Variants in PLXNA4 observed in about 807,000 individuals in gnomAD.
PLXNA4 encodes the protein plexin-A4.
A neutral mutation model predicts 191.8 loss-of-function variants in PLXNA4; 44 were observed. The ratio of observed to expected loss-of-function variants is 0.23; its 90% CI spans 0.18 to 0.29. PLXNA4 has a LOEUF of 0.29. Ranked by LOEUF, PLXNA4 falls within the 10% of genes least tolerant of loss-of-function variation. The pLI is 1.00. For synonymous variants in PLXNA4, 1,082 were observed against 1,009.5 expected, an observed-to-expected ratio of 1.07 and a Z score of -1.36; for missense variants, 1,800 against 2,488.8, an observed-to-expected ratio of 0.72 and a Z score of 5.89.
chr7:132,270,467 T>C (rs1800024226), intron 4 of PLXNA4, among the ~76,000 whole-genome samples: 1 of 152,236 alleles, frequency 6.6e-6, no homozygotes, highest in Non-Finnish European at 1.5e-5. Flanking sequence ...TGCAGTCTCA[T>C]GAGTTCAGAA....
intron 3 of PLXNA4, among the ~76,000 whole-genome samples, chr7:132,470,851 AG>A (rs920103378): frequency 6.6e-6 from 1 of 152,188 alleles, no homozygotes; most frequent in African/African-American, 2.4e-5. Context: ...ACCTCCAAAA[AG>A]GGATGAGCTC....
intron 3 of PLXNA4, among the ~76,000 whole-genome samples, chr7:132,468,446 G>GA (rs1295960405): frequency 1.3e-5 from 2 of 152,220 alleles, no homozygotes; most frequent in East Asian, 3.9e-4. Flanking sequence ...AACCCTGAAG[G>GA]AAAAAATTCT....
intron 1 of PLXNA4, among the ~76,000 whole-genome samples, chr7:132,568,096 T>C (rs937740413): frequency 6.6e-6 from 1 of 152,182 alleles, no homozygotes; most frequent in Non-Finnish European, 1.5e-5. Flanking sequence ...TAAAAAACGT[T>C]GATGAGGGGC....
intron 3 of PLXNA4, among the ~76,000 whole-genome samples, chr7:132,310,738 C>G (rs1767028312): frequency 6.6e-6 from 1 of 152,228 alleles, no homozygotes; most frequent in African/African-American, 2.4e-5. Context: ...ACCTCAACAT[C>G]TGCTCTCCCT....
chr7:132,544,377 A>T (rs1800206426), intron 1 of PLXNA4, among the ~76,000 whole-genome samples: 1 of 152,264 alleles, frequency 6.6e-6, no homozygotes, highest in Admixed American at 6.5e-5. Flanking sequence ...ATTTTGTGAT[A>T]TTAGAGATTC....
intron 3 of PLXNA4, among the ~76,000 whole-genome samples, chr7:132,462,836 A>ATTTT (rs57607720): frequency 8.7e-4 from 77 of 88,892 alleles, no homozygotes; most frequent in East Asian, 4.9e-3. Flanking sequence ...CATTTCTATA[A>ATTTT]TTTTTTTTTT....
intron 3 of PLXNA4, among the ~76,000 whole-genome samples, chr7:132,473,664 C>G (rs142819225): frequency 6.6e-6 from 1 of 152,000 alleles, no homozygotes; most frequent in Non-Finnish European, 1.5e-5. Flanking sequence ...AATATTGTCA[C>G]GTTAAAAAGG....
intron 3 of PLXNA4, among the ~76,000 whole-genome samples, chr7:132,370,265 G>C (rs1158939942): frequency 6.6e-6 from 1 of 152,124 alleles, no homozygotes; most frequent in Non-Finnish European, 1.5e-5. Flanking sequence ...ATGCAGAGAG[G>C]CTGCCCACCA....
intron 2 of PLXNA4, among the ~76,000 whole-genome samples, chr7:132,586,079 C>T (rs1802500220): frequency 6.6e-6 from 1 of 152,154 alleles, no homozygotes; most frequent in Admixed American, 6.5e-5. Context: ...TTGTAGAACA[C>T]CAGGCAATGT....
chr7:132,330,125 G>A (rs879308986), intron 3 of PLXNA4, among the ~76,000 whole-genome samples: 2 of 152,280 alleles, frequency 1.3e-5, no homozygotes, highest in African/African-American at 2.4e-5. Context: ...TTGTGAAGAC[G>A]GAAGAGAGAG....
rs771714765 is a variant in PLXNA4, at chr7:132,202,852, G to A, written c.2396-16C>T. 1.3e-6 allele frequency: 2 copies of A among 1,541,064 alleles called. No individual in the cohort carries two copies. Among genetic ancestry groups the A allele is most frequent in the Non-Finnish European group, 1.8e-6 (2 of 1,140,562 alleles). ...TAGAGGTGAACTGCAGAGGGGAAGG[G>A]CAAGGACAAGGGGTGCTTGGGAATG... On this transcript the variant is annotated splice_polypyrimidine_tract_variant and intron_variant, in intron 11 of 31. Transcript: ENST00000321063.
intron 3 of PLXNA4, among the ~76,000 whole-genome samples, chr7:132,320,342 TC>T (rs988727515): frequency 4.6e-5 from 7 of 152,168 alleles, no homozygotes; most frequent in Admixed American, 4.6e-4. Flanking sequence ...GCAGCATCAC[TC>T]CAATCTCTGC....
At chr7:132,391,338 AGCAT>A (rs1384381855) in intron 3 of PLXNA4, among the ~76,000 whole-genome samples, 2 of 152,218 alleles carry the variant, frequency 1.3e-5, no homozygotes, top group Non-Finnish European at 2.9e-5. Context: ...TGACTGGCAA[AGCAT>A]GTTGAAGAAG....
intron 1 of PLXNA4, among the ~76,000 whole-genome samples, chr7:132,545,551 G>T (rs1294747574): frequency 6.6e-6 from 1 of 152,190 alleles, no homozygotes; most frequent in Non-Finnish European, 1.5e-5. Context: ...CAAAGGCAGG[G>T]CAATGGGTTG....
At chr7:132,190,446 G>T (rs1334510101) in intron 14 of PLXNA4, among the ~76,000 whole-genome samples, 1 of 152,214 alleles carries the variant, frequency 6.6e-6, no homozygotes, top group Non-Finnish European at 1.5e-5. Context: ...AGGTCAGGGG[G>T]CCTCAGCCCA....
rs56270651 is a variant in PLXNA4, at chr7:132,154,413, GTTT to G, written c.4660+5057_4660+5059del. Among the ~76,000 whole-genome samples the G allele has an allele frequency of 3.2e-3, 471 of 146,766 alleles. 2 individuals are homozygous for G. The highest frequency in any genetic ancestry group is 4.3e-3 in the Non-Finnish European group (289 of 66,818). On this transcript the variant is annotated intron_variant, in intron 25 of 31. Transcript: ENST00000321063. Reference sequence around the variant, plus strand: ...GAGGGGTGACATCTAAAAACGTTCTGTTTTTTTTTTTTTTTTAATTATTGTGAC... The same window carrying G: ...GAGGGGTGACATCTAAAAACGTTCTGTTTTTTTTTTTTTAATTATTGTGAC...
intron 1 of PLXNA4, among the ~76,000 whole-genome samples, chr7:132,548,575 C>T (rs1368842249): frequency 1.3e-5 from 2 of 152,150 alleles, no homozygotes; most frequent in Non-Finnish European, 2.9e-5. Context: ...AAGACCAAGA[C>T]CAAGGATTCT....
At chr7:132,299,727 C>T (rs1438184731) in intron 3 of PLXNA4, among the ~76,000 whole-genome samples, 2 of 152,150 alleles carry the variant, frequency 1.3e-5, no homozygotes, top group East Asian at 1.9e-4. Flanking sequence ...GGGATTGAAC[C>T]CACTCCTTGC....
At chr7:132,252,800 T>C (rs1799301360) in intron 4 of PLXNA4, among the ~76,000 whole-genome samples, 1 of 152,208 alleles carries the variant, frequency 6.6e-6, no homozygotes, top group African/African-American at 2.4e-5. Context: ...TATGTAGTAA[T>C]GTCTGTTTGG....
Sources: gnomAD v4.1 joint callset for allele counts (sites outside exome capture counted in the v4.1 genomes callset) on GRCh38, gnomAD v4.1.1 for gene constraint, MANE v1.5 for transcripts, NCBI Gene and HGNC (gene_info 2026-07-23, HGNC 2026-07-21) for gene names.